Variants in IQSEC2 observed in about 807,000 individuals in gnomAD.
IQSEC2 encodes the protein IQ motif and Sec7 domain ArfGEF 2, also known as IQ motif and SEC7 domain-containing protein 2.
IQSEC2 carries 6 observed loss-of-function variants against 74.6 expected under a neutral mutation model. The ratio of observed to expected loss-of-function variants is 0.08; its 90% CI spans 0.04 to 0.16. The LOEUF (loss-of-function observed/expected upper bound fraction) is 0.16. Ranked by LOEUF, IQSEC2 falls within the 10% of genes least tolerant of loss-of-function variation. The probability of loss-of-function intolerance (pLI) is 1.00; values close to 1 mark genes in which losing one functional copy is unlikely to be tolerated. For missense variants in IQSEC2, 734 were observed against 1,306.2 expected (o/e 0.56, Z 6.75); for synonymous variants, 494 against 544.5 (o/e 0.91, Z 1.29).
chrX:53,294,625 C>T (rs782642714), intron 1 of IQSEC2, among the ~76,000 whole-genome samples: 2 of 111,326 alleles, frequency 1.8e-5, no homozygotes, highest in South Asian at 7.5e-4. Flanking sequence ...TAGTTGAGTT[C>T]CAAGCAATCT....
At chrX:53,299,483 G>A (rs1034009725) in intron 1 of IQSEC2, among the ~76,000 whole-genome samples, 1 of 111,150 alleles carries the variant, frequency 9.0e-6, no homozygotes, top group Non-Finnish European at 1.9e-5. Context: ...TCTCATCTGT[G>A]TACCTGACTT....
In IQSEC2 at chrX:53,288,851, C is replaced by T. The variant is rs148108389; in HGVS notation, c.737+3044G>A. On this transcript the variant is annotated intron_variant, in intron 2 of 14. Coordinates refer to ENST00000642864, the MANE Select transcript of IQSEC2 (RefSeq NM_001111125.3). Reference sequence around the variant, plus strand: ...TGCTAGCTAGCTTTGTGACCTCGAGCGATGGCCAATCCCTCTCTGGACCTT... The same window carrying T: ...TGCTAGCTAGCTTTGTGACCTCGAGTGATGGCCAATCCCTCTCTGGACCTT... 9.0e-3 allele frequency among the ~76,000 whole-genome samples: 1,005 copies of T among 111,908 alleles called. 17 individuals are homozygous for T. The highest frequency in any genetic ancestry group is 0.031 in the African/African-American group (949 of 30,783).
At chrX:53,226,985 G>C (rs2074043057), downstream of IQSEC2, 1 of 109,779 alleles carries the variant, frequency 9.1e-6, no homozygotes, top group Non-Finnish European at 1.9e-5. Flanking sequence ...CACTGTGCTA[G>C]TGCTTTTGTA....
At chrX:53,238,373 A>T (rs2074168049) in intron 11 of IQSEC2, 67 bp from the exon 12 acceptor site, 5 of 1,082,381 alleles carry the variant, frequency 4.6e-6, no homozygotes, top group Non-Finnish European at 5.1e-6. Context: ...ACATAAAATA[A>T]TTTTTCTTTT....
At chrX:53,239,669 GA>G in intron 10 of IQSEC2, 1 of 219,722 alleles carries the variant, frequency 4.6e-6, no homozygotes, top group Non-Finnish European at 8.4e-6. Context: ...CTGAGTGTGT[GA>G]TCGCCCCCTG....
chrX:53,245,607 T>C (rs2074293246), intron 8 of IQSEC2, among the ~76,000 whole-genome samples: 1 of 111,293 alleles, frequency 9.0e-6, no homozygotes, highest in Non-Finnish European at 1.9e-5. Context: ...CCAATTTGTC[T>C]TGTGTTCAGT....
rs982900904 is a variant in IQSEC2 at position 53,252,085 on chromosome X, C to A, written c.1402-911G>T. On this transcript the variant is annotated intron_variant, in intron 4 of 14. Transcript: ENST00000642864. ...AAAATTTTTATTTGTTTGTTTGAGA[C>A]AGAGTCTTGCTCTCACCCAGGCTGG... 2.7e-5 allele frequency among the ~76,000 whole-genome samples: 3 copies of A among 111,980 alleles called. No individual in the cohort carries two copies. The Admixed American group carries it at 2.8e-4, about 11-fold the overall frequency.
At chrX:53,251,222 AAGAT>A (rs782517666) in intron 4 of IQSEC2, 48 bp from the exon 5 acceptor site, 1 of 1,143,340 alleles carries the variant, frequency 8.7e-7, no homozygotes, top group Middle Eastern at 2.4e-4. Context: ...AAAAGAAAGA[AAGAT>A]AAAGGGAAGA....
intron 2 of IQSEC2, among the ~76,000 whole-genome samples, chrX:53,259,188 CAAAAAAAAAAA>C (rs56394985): frequency 6.3e-5 from 2 of 31,686 alleles, no homozygotes; most frequent in African/African-American, 2.5e-4. Context: ...AGACTGTCTC[CAAAAAAAAAAA>C]AAAAAAAAAA....
chrX:53,230,209 C>G (rs1307847533), downstream of IQSEC2: 1 of 112,650 alleles, frequency 8.9e-6, no homozygotes, highest in African/African-American at 3.2e-5. Flanking sequence ...CCTGACCCCA[C>G]CCACACACCC....
In IQSEC2 at chrX:53,234,650, C is replaced by T; in HGVS notation, c.4036G>A (p.Gly1346Arg). Residue 1346 changes from glycine (G) to arginine (R), a missense_variant, in exon 15 of 15, where the codon GGG (glycine) becomes AGG (arginine). Physicochemically the swap from Gly to Arg is moderately radical, Grantham distance 125. Coordinates refer to ENST00000642864, the MANE Select transcript of IQSEC2 (RefSeq NM_001111125.3). ...GCAAACTGAGGGTGTCCTCCAGCCC[C>T]CCGTCTGGGTGCCCTGCCTGGCCGG... ...LGRPGRAPRRGAGGHPQFAPH... is the reference protein window; with the variant it reads ...LGRPGRAPRRRAGGHPQFAPH... 2 of 1,138,844 alleles carry T rather than the reference C, an allele frequency of 1.8e-6. No homozygotes were observed. The highest frequency in any genetic ancestry group is 2.3e-6 in the Non-Finnish European group (2 of 859,052). The allele number at this position is 1,138,844 out of a possible 1,213,427, so 93.9% of individuals were successfully genotyped here. A position where few individuals can be genotyped will look rare whatever the true frequency, so the allele number is the denominator to read the frequency against.
chrX:53,256,873 C>A (rs193162464), intron 2 of IQSEC2, among the ~76,000 whole-genome samples: 1 of 112,523 alleles, frequency 8.9e-6, no homozygotes, highest in African/African-American at 3.2e-5. Flanking sequence ...CCACGCGTGG[C>A]AGGAGCTGGG....
intron 1 of IQSEC2, among the ~76,000 whole-genome samples, chrX:53,295,632 A>C (rs782299921): frequency 9.7e-4 from 105 of 108,340 alleles, no homozygotes; most frequent in African/African-American, 3.3e-3. Flanking sequence ...AAAAAAGAAG[A>C]AGCAATCTGG....
At chrX:53,256,129 A>G (rs2074463956) in intron 2 of IQSEC2, 68 bp from the exon 3 acceptor site, 1 of 1,017,728 alleles carries the variant, frequency 9.8e-7, no homozygotes, top group Non-Finnish European at 1.3e-6. Context: ...CCATACTGAG[A>G]GTGGGTGAGC....
At chrX:53,228,401 G>A (rs990616212), downstream of IQSEC2, among the ~76,000 whole-genome samples, 4 of 111,335 alleles carry the variant, frequency 3.6e-5, no homozygotes, top group Admixed American at 9.5e-5. Context: ...TCTTGCTGGG[G>A]GACAACCGGA....
intron 1 of IQSEC2, among the ~76,000 whole-genome samples, chrX:53,310,049 G>A (rs1047028387): frequency 4.5e-5 from 5 of 111,278 alleles, no homozygotes; most frequent in Non-Finnish European, 7.5e-5. Context: ...ATCTATTTAC[G>A]GAGCACCTAC....
At chrX:53,281,581 C>T in intron 2 of IQSEC2, 1 of 1,122,602 alleles carries the variant, frequency 8.9e-7, no homozygotes, top group Non-Finnish European at 1.2e-6. Context: ...CACCGTGTCA[C>T]CACCCCCTCC....
intron 6 of IQSEC2, 119 bp from the exon 7 acceptor site, chrX:53,248,355 G>A: frequency 1.1e-6 from 1 of 929,134 alleles, no homozygotes; most frequent in Non-Finnish European, 1.5e-6. Flanking sequence ...TTCAGGACCT[G>A]TGGCCCGAGC....
chrX:53,254,947 C>A lies in IQSEC2; in HGVS notation c.1000-16G>T. 8.3e-7 allele frequency: 1 copy of A among 1,205,859 alleles called. No individual in the cohort carries two copies. The highest frequency in any genetic ancestry group is 1.1e-6 in the Non-Finnish European group (1 of 892,948). The stretch of plus-strand genomic sequence containing the variant: ...GCATTTCCACCTGGCAGAGAAGGGT[C>A]GAGGGGAACAAGGTCAGAAAGTCAT... On this transcript the variant is annotated splice_polypyrimidine_tract_variant and intron_variant, in intron 3 of 14. Transcript: ENST00000642864.
Sources: gnomAD v4.1 joint callset for allele counts (sites outside exome capture counted in the v4.1 genomes callset) on GRCh38, gnomAD v4.1.1 for gene constraint, MANE v1.5 for transcripts, NCBI Gene and HGNC (gene_info 2026-07-23, HGNC 2026-07-21) for gene names.